AGBL4: variants seen among roughly 807,000 people sequenced by gnomAD.
AGBL4 encodes AGBL carboxypeptidase 4, also known as cytosolic carboxypeptidase 6.
In AGBL4, 58 loss-of-function variants were observed where a neutral mutation model predicts 66.4. The ratio of observed to expected loss-of-function variants is 0.87; its 90% CI spans 0.71 to 1.09. The LOEUF is 1.09. Ranked by LOEUF, AGBL4 falls within the 50% of genes least tolerant of loss-of-function variation. AGBL4 has a pLI of 0.00. For missense variants in AGBL4, 579 were observed against 631.0 expected, an observed-to-expected ratio of 0.92 and a Z score of 0.88; for synonymous variants, 234 against 222.9, an observed-to-expected ratio of 1.05 and a Z score of -0.44.
chr1:49,484,048 G>A (rs1279811626), intron 3 of AGBL4, among the ~76,000 whole-genome samples: 1 of 152,018 alleles, frequency 6.6e-6, no homozygotes, highest in Non-Finnish European at 1.5e-5. Context: ...ACTGCAATGA[G>A]ATATCATATT....
At chr1:48,552,144 A>G (rs1569751254) in intron 11 of AGBL4, among the ~76,000 whole-genome samples, 1 of 152,032 alleles carries the variant, frequency 6.6e-6, no homozygotes, top group Non-Finnish European at 1.5e-5. Flanking sequence ...GCTCACTGCA[A>G]CCTCCGCCTC....
intron 4 of AGBL4, among the ~76,000 whole-genome samples, chr1:49,196,775 A>AT: frequency 6.6e-6 from 1 of 151,748 alleles, no homozygotes; most frequent in African/African-American, 2.4e-5. Flanking sequence ...ATTATAATGT[A>AT]TTTTTTGTTT....
intron 3 of AGBL4, among the ~76,000 whole-genome samples, chr1:49,675,556 A>C (rs1049791851): frequency 4.6e-5 from 7 of 152,180 alleles, no homozygotes; most frequent in Non-Finnish European, 8.8e-5. Context: ...GAATCCATAA[A>C]AATAAAAAAT....
intron 6 of AGBL4, among the ~76,000 whole-genome samples, chr1:48,798,386 C>T (rs1165290803): frequency 3.3e-5 from 5 of 151,956 alleles, no homozygotes; most frequent in East Asian, 1.9e-4. Flanking sequence ...AGTCCTTTGT[C>T]GGATGCATAG....
At chr1:48,677,368 G>A (rs1283899312) in intron 6 of AGBL4, among the ~76,000 whole-genome samples, 1 of 152,090 alleles carries the variant, frequency 6.6e-6, no homozygotes, top group South Asian at 2.1e-4. Context: ...TGAAGGAAGA[G>A]GATTAACATA....
intron 1 of AGBL4, among the ~76,000 whole-genome samples, chr1:49,954,867 A>G (rs1382169905): frequency 6.6e-6 from 1 of 151,966 alleles, no homozygotes; most frequent in Admixed American, 6.6e-5. Flanking sequence ...TTTTACCACC[A>G]TGAGGCTATA....
intron 5 of AGBL4, among the ~76,000 whole-genome samples, chr1:48,896,951 G>C (rs961381059): frequency 6.6e-6 from 1 of 152,154 alleles, no homozygotes; most frequent in African/African-American, 2.4e-5. Context: ...TGTTATTTCA[G>C]ATTTCTAATT....
At chr1:49,971,051 A>G (rs1658039436) in intron 1 of AGBL4, among the ~76,000 whole-genome samples, 1 of 152,198 alleles carries the variant, frequency 6.6e-6, no homozygotes, top group Non-Finnish European at 1.5e-5. Flanking sequence ...AAAGTACTGG[A>G]TTATTTAAAT....
chr1:49,974,313 T>C (rs559080769), intron 1 of AGBL4, among the ~76,000 whole-genome samples: 5 of 152,206 alleles, frequency 3.3e-5, no homozygotes, highest in African/African-American at 1.2e-4. Flanking sequence ...AGGTGATTTA[T>C]AAAAGATCAT....
intron 2 of AGBL4, among the ~76,000 whole-genome samples, chr1:49,804,860 A>C (rs1451473307): frequency 3.3e-5 from 5 of 152,212 alleles, no homozygotes; most frequent in African/African-American, 4.8e-5. Flanking sequence ...GAGTATCCCT[A>C]GATGCATAAC....
intron 5 of AGBL4, among the ~76,000 whole-genome samples, chr1:48,875,127 G>A (rs1310347729): frequency 1.3e-5 from 2 of 152,202 alleles, no homozygotes; most frequent in Non-Finnish European, 2.9e-5. Flanking sequence ...TAGCTAGACA[G>A]ATAGAAGACA....
intron 5 of AGBL4, among the ~76,000 whole-genome samples, chr1:49,030,759 C>T (rs74618152): frequency 0.023 from 3,399 of 146,128 alleles, 130 homozygotes; most frequent in African/African-American, 0.079. Flanking sequence ...GGTTGGGGAC[C>T]GTTGGTTTAA....
At chr1:48,836,295 CAAAAAAA>C (rs33961883) in intron 6 of AGBL4, among the ~76,000 whole-genome samples, 1 of 100,662 alleles carries the variant, frequency 9.9e-6, no homozygotes, top group East Asian at 2.6e-4. Flanking sequence ...TAAGTTTCCT[CAAAAAAA>C]AAAAAAAAAA....
At chr1:49,927,218 C>A (rs1454642268) in intron 1 of AGBL4, among the ~76,000 whole-genome samples, 1 of 152,188 alleles carries the variant, frequency 6.6e-6, no homozygotes, top group African/African-American at 2.4e-5. Context: ...AGGATCAATA[C>A]TTTGCATCTA....
Position 49,475,499 on chromosome 1 carries a change from G to A in AGBL4, c.282+221814C>T, listed in dbSNP as rs115315337. Reference sequence around the variant, plus strand: ...AATTTTTTTGGAATTGTTTCAGTAGGATTGATAGCAGTTCTTCTTTGTACA... The same window carrying A: ...AATTTTTTTGGAATTGTTTCAGTAGAATTGATAGCAGTTCTTCTTTGTACA... On this transcript the variant is annotated intron_variant, in intron 3 of 13. Coordinates refer to ENST00000371839, the MANE Select transcript of AGBL4 (RefSeq NM_032785.4). 8.7e-3 allele frequency among the ~76,000 whole-genome samples: 1,320 copies of A among 152,118 alleles called. 22 individuals are homozygous for A. Among genetic ancestry groups the A allele is most frequent in the Non-Finnish European group, 0.014 (979 of 67,962 alleles).
chr1:48,838,057 G>C (rs1646723853), intron 6 of AGBL4, among the ~76,000 whole-genome samples: 1 of 151,656 alleles, frequency 6.6e-6, no homozygotes, highest in African/African-American at 2.4e-5. Flanking sequence ...GGCAAGAGGG[G>C]GATTGGTAGC....
chr1:49,641,746 T>A (rs1000067018), intron 3 of AGBL4, among the ~76,000 whole-genome samples: 1 of 152,198 alleles, frequency 6.6e-6, no homozygotes, highest in Admixed American at 6.6e-5. Flanking sequence ...ATATCAACTA[T>A]TGCTGTTGCT....
intron 4 of AGBL4, among the ~76,000 whole-genome samples, chr1:49,208,364 GGT>G (rs1244834837): frequency 2.6e-5 from 4 of 151,838 alleles, no homozygotes; most frequent in African/African-American, 9.7e-5. Flanking sequence ...TTGCCTGCTT[GGT>G]CTGCCTTTGA....
chr1:49,748,941 C>T lies in AGBL4; in HGVS notation c.158-51504G>A, dbSNP rs200280122. ...CAGATGGATAGATTGCAAAAATTTT[C>T]TCCCATTCTATAGGTTGTCTGTTCG... On this transcript the variant is annotated intron_variant, in intron 2 of 13. Transcript: ENST00000371839. Among the ~76,000 whole-genome samples, 31 of 152,232 alleles carry T rather than the reference C, an allele frequency of 2.0e-4. No homozygotes were observed. In the East Asian group the frequency reaches 5.8e-3, roughly 28 times the overall value.
Sources: allele counts gnomAD v4.1 joint callset (sites outside exome capture counted in the v4.1 genomes callset), GRCh38; gene constraint gnomAD v4.1.1; transcripts MANE v1.5; gene names NCBI Gene and HGNC (gene_info 2026-07-23, HGNC 2026-07-21).